Variants in SVEP1 observed in about 807,000 individuals in gnomAD.
The protein encoded by SVEP1 is sushi, von Willebrand factor type A, EGF and pentraxin domain-containing protein 1.
In SVEP1, 164 loss-of-function variants were observed where a neutral mutation model predicts 367.3. The ratio of observed to expected loss-of-function variants is 0.45; its 90% CI spans 0.39 to 0.51. The LOEUF (loss-of-function observed/expected upper bound fraction) is 0.51. Ranked by LOEUF, SVEP1 falls within the 20% of genes least tolerant of loss-of-function variation. SVEP1 has a pLI of 0.00. For missense variants in SVEP1, 4,117 were observed against 4,425.3 expected, an observed-to-expected ratio of 0.93 and a Z score of 1.98; for synonymous variants, 1,666 against 1,611.6, an observed-to-expected ratio of 1.03 and a Z score of -0.81.
chr9:110,566,324 TAATAAATAAATAAATA>T lies in SVEP1; in HGVS notation c.531+12673_531+12688del, dbSNP rs199990111. Among the ~76,000 whole-genome samples, 530 of 142,006 alleles carry T rather than the reference TAATAAATAAATAAATA, an allele frequency of 3.7e-3. 2 individuals are homozygous for T. The highest frequency in any genetic ancestry group is 9.4e-3 in the African/African-American group (358 of 37,978). 93.2% of individuals were successfully genotyped at this position (142,006 alleles called of 152,430 possible). On this transcript the variant is annotated intron_variant, in intron 1 of 47. Coordinates refer to ENST00000374469, the MANE Select transcript of SVEP1 (RefSeq NM_153366.4). ...GCAACAGAGCAAGATCCTGTCTCCA[TAATAAATAAATAAATA>T]AATAAATAAATAAATAAATAAATAA...
intron 36 of SVEP1, among the ~76,000 whole-genome samples, chr9:110,414,657 C>T (rs1828091361): frequency 6.6e-6 from 1 of 151,840 alleles, no homozygotes; most frequent in Non-Finnish European, 1.5e-5. Flanking sequence ...ATGCAATTTG[C>T]AATGATTTGA....
chr9:110,376,574 G>A (rs1253042930), intron 45 of SVEP1, among the ~76,000 whole-genome samples: 1 of 152,154 alleles, frequency 6.6e-6, no homozygotes, highest in East Asian at 1.9e-4. Context: ...CTGCCCTGTA[G>A]GAAAAACTGG....
At chr9:110,386,118 T>C in intron 42 of SVEP1, 44 bp from the exon 43 acceptor site, 4 of 1,577,918 alleles carry the variant, frequency 2.5e-6, no homozygotes, top group Non-Finnish European at 3.4e-6. Flanking sequence ...TTCCCCTCTT[T>C]TCCTAATGTA....
Position 110,430,006 on chromosome 9 carries a change from TTAACAAAGGA to T in SVEP1, c.5531-12_5531-3del. The T allele has an allele frequency of 1.9e-6, 3 of 1,611,640 alleles. No homozygotes were observed. The highest frequency in any genetic ancestry group is 2.5e-6 in the Non-Finnish European group (3 of 1,179,642). ...TAGCCGGTTTACCACATGAAACAGC[TTAACAAAGGA>T]AAAACAAACACGTGACTTTTTTGAG... On this transcript the variant is annotated splice_region_variant and splice_polypyrimidine_tract_variant and intron_variant, in intron 33 of 47. Transcript: ENST00000374469.
At chr9:110,572,784 T>G in intron 1 of SVEP1, among the ~76,000 whole-genome samples, 1 of 65,586 alleles carries the variant, frequency 1.5e-5, no homozygotes, top group South Asian at 8.3e-4. Flanking sequence ...CCTCTCTCTC[T>G]CTCACAAAAA....
intron 37 of SVEP1, 31 bp from the exon 38 acceptor site, chr9:110,408,982 G>C: frequency 6.5e-7 from 1 of 1,527,008 alleles, no homozygotes; most frequent in Non-Finnish European, 8.8e-7. Flanking sequence ...AAGTGAGTGC[G>C]ATTTGTATAA....
At chr9:110,455,832 C>T (rs1225125251) in intron 21 of SVEP1, 129 bp from the exon 22 acceptor site, 3 of 506,412 alleles carry the variant, frequency 5.9e-6, no homozygotes, top group Non-Finnish European at 1.0e-5. Context: ...GGGTAATATT[C>T]ATTAAGTGCT....
intron 40 of SVEP1, among the ~76,000 whole-genome samples, chr9:110,399,056 T>A (rs574864160): frequency 3.3e-5 from 5 of 152,284 alleles, no homozygotes; most frequent in South Asian, 2.1e-4. Flanking sequence ...GTATGTTTAT[T>A]GCGGCACTAT....
At chr9:110,570,200 T>C (rs1242896010) in intron 1 of SVEP1, among the ~76,000 whole-genome samples, 1 of 152,170 alleles carries the variant, frequency 6.6e-6, no homozygotes, top group African/African-American at 2.4e-5. Context: ...TTAAAATCTA[T>C]GGGAAATGCA....
At chr9:110,547,346 G>C (rs896810443) in intron 2 of SVEP1, among the ~76,000 whole-genome samples, 3 of 152,136 alleles carry the variant, frequency 2.0e-5, no homozygotes, top group African/African-American at 7.2e-5. Context: ...AAGTTAGGGA[G>C]CAAGGAAAAC....
intron 46 of SVEP1, among the ~76,000 whole-genome samples, chr9:110,372,596 A>ATGTT (rs1189882858): frequency 6.6e-6 from 1 of 152,250 alleles, no homozygotes; most frequent in Non-Finnish European, 1.5e-5. Context: ...TAGAAATGGA[A>ATGTT]TGTTAGAAAG....
Position 110,407,023 on chromosome 9 carries a change from G to C in SVEP1, c.8577C>G (p.Cys2859Trp). ...CTCCCTCAAGCAAGAACCCTTCATT[G>C]CAAGTGTATTCAATCTCTTTTTGGA... ...YTFQKEIEYT[C>W]NEGFLLEGAR... Residue 2859 changes from cysteine (C) to tryptophan (W), a missense_variant, in exon 38 of 48, where the codon TGC (cysteine) becomes TGG (tryptophan). Cys to Trp is a radical substitution (Grantham distance 215). This residue lies in a region of SVEP1 where 1,765 missense variants were observed against 1,781.1 expected (regional missense o/e 0.99). Coordinates refer to ENST00000374469, the MANE Select transcript of SVEP1 (RefSeq NM_153366.4). 6.2e-7 allele frequency: 1 copy of C among 1,613,926 alleles called. No individual in the cohort carries two copies. Among genetic ancestry groups the C allele is most frequent in the South Asian group, 1.1e-5 (1 of 91,086 alleles).
chr9:110,476,887 C>T lies in SVEP1; in HGVS notation c.2488-572G>A, dbSNP rs1469013965. ...TCGTTGCTGTTTCCAGATCAAACTC[C>T]CTCATATCCCCTTAAAGGCTCACAG... On this transcript the variant is annotated intron_variant, in intron 13 of 47. Transcript: ENST00000374469. Among the ~76,000 whole-genome samples the T allele has an allele frequency of 2.0e-5, 3 of 152,202 alleles. No homozygotes were observed. In the East Asian group the frequency reaches 5.8e-4, roughly 29 times the overall value.
At chr9:110,447,955 G>T (rs554247112) in intron 24 of SVEP1, among the ~76,000 whole-genome samples, 124 of 119,830 alleles carry the variant, frequency 1.0e-3, no homozygotes, top group African/African-American at 3.6e-3. Flanking sequence ...ATATCATGCT[G>T]AGTGGAAAAA....
Position 110,430,005 on chromosome 9 carries a change from C to A in SVEP1, c.5531-1G>T. ...ATAGCCGGTTTACCACATGAAACAG[C>A]TTAACAAAGGAAAAACAAACACGTG... On this transcript the variant is annotated splice_acceptor_variant, in intron 33 of 47. Transcript: ENST00000374469. LOFTEE classifies it high-confidence loss of function. 1 of 1,611,414 alleles carries A rather than the reference C, an allele frequency of 6.2e-7. No individual in the cohort carries two copies. The highest frequency in any genetic ancestry group is 8.5e-7 in the Non-Finnish European group (1 of 1,179,610).
In SVEP1 at chr9:110,408,285, C is replaced by T; in HGVS notation, c.7315G>A (p.Glu2439Lys). The change falls in exon 38 of 48, where the codon GAA becomes AAA. Residue 2439 changes from glutamate to lysine, a missense_variant. Physicochemically the swap from Glu to Lys is moderately conservative, Grantham distance 56. This residue lies in a region of SVEP1 where 1,765 missense variants were observed against 1,781.1 expected (regional missense o/e 0.99). Coordinates refer to ENST00000374469, the MANE Select transcript of SVEP1 (RefSeq NM_153366.4). ...SSPLPECVPV[E>K]CPQPEEIPNG... ...GGGATTTCCTCAGGTTGGGGACATT[C>T]TACTGGAACACATTCTGGCAGTGGA... 1.2e-6 allele frequency: 2 copies of T among 1,614,012 alleles called. No homozygotes were observed. Among genetic ancestry groups the T allele is most frequent in the Non-Finnish European group, 1.7e-6 (2 of 1,179,898 alleles).
Position 110,430,257 on chromosome 9 carries a change from A to G in SVEP1, c.5530+17T>C, listed in dbSNP as rs770047241. ...GATTGCCAAACATAAGAAACGTGGTAAATTTACTAAACATACCTTTACAAT... is the reference window on the plus strand; with the variant it reads ...GATTGCCAAACATAAGAAACGTGGTGAATTTACTAAACATACCTTTACAAT... On this transcript the variant is annotated intron_variant, in intron 33 of 47. Coordinates refer to ENST00000374469, the MANE Select transcript of SVEP1 (RefSeq NM_153366.4). The G allele has an allele frequency of 4.4e-6, 7 of 1,603,314 alleles. No individual in the cohort carries two copies. Among genetic ancestry groups the G allele is most frequent in the Admixed American group, 1.7e-5 (1 of 58,502 alleles).
At chr9:110,503,355 C>T in intron 5 of SVEP1, 138 bp from the exon 6 acceptor site, 1 of 794,998 alleles carries the variant, frequency 1.3e-6, no homozygotes, top group South Asian at 1.9e-5. Flanking sequence ...TAATACACCA[C>T]CATTTTTTGA....
At chr9:110,451,883 T>G (rs891908529) in intron 22 of SVEP1, among the ~76,000 whole-genome samples, 1 of 152,228 alleles carries the variant, frequency 6.6e-6, no homozygotes, top group African/African-American at 2.4e-5. Context: ...ATGTTTTGTG[T>G]GAACATAATT....
Sources: allele counts gnomAD v4.1 joint callset (sites outside exome capture counted in the v4.1 genomes callset), GRCh38; gene constraint gnomAD v4.1.1; regional missense constraint gnomAD v4.1.1; transcripts MANE v1.5; gene names NCBI Gene and HGNC (gene_info 2026-07-23, HGNC 2026-07-21).